Variants in EVPL observed in about 807,000 individuals in gnomAD.
The protein encoded by EVPL is envoplakin, also known as 210 kDa cornified envelope precursor protein.
In EVPL, 94 loss-of-function variants were observed where a neutral mutation model predicts 129.7. That is an observed-to-expected ratio of 0.72 (90% CI 0.61 to 0.86). The LOEUF (loss-of-function observed/expected upper bound fraction) is 0.86. Among genes scored for constraint, EVPL ranks in the 40% least tolerant of loss-of-function variants. EVPL has a pLI of 0.00. For synonymous variants in EVPL, 1,172 were observed against 1,191.1 expected (o/e 0.98, Z 0.33); for missense variants, 2,625 against 2,721.1 (o/e 0.96, Z 0.79).
Position 76,007,860 on chromosome 17 carries a change from C to G in EVPL, c.5345G>C (p.Gly1782Ala), listed in dbSNP as rs1297547762. The part of the protein sequence containing the change: ...PISEFALLVA[G>A]ETKPSSSLSI... ...GAGTGAGGAGCTTGGCTTGGTCTCC[C>G]CAGCTACAAGCAGCGCAAACTCGGA... Residue 1782 changes from glycine (G) to alanine (A), a missense_variant, in exon 22 of 22, where the codon GGG becomes GCG. Gly to Ala is a moderately conservative substitution (Grantham distance 60). Coordinates refer to ENST00000301607, the MANE Select transcript of EVPL (RefSeq NM_001988.4). The surrounding 1 kb of genome is among the most constrained non-coding windows in gnomAD (Gnocchi z 8.8). 2 of 1,613,160 alleles carry G rather than the reference C, an allele frequency of 1.2e-6. No homozygotes were observed. The highest frequency in any genetic ancestry group is 4.5e-5 in the East Asian group (2 of 44,850).
rs2066392196 is a variant in EVPL at position 76,013,152 on chromosome 17, TG to T, written c.2374-1064del. On this transcript the variant is annotated intron_variant, in intron 18 of 21. Transcript: ENST00000301607. The surrounding 1 kb of genome is among the most constrained non-coding windows in gnomAD (Gnocchi z 4.3). ...TACGGGATGCCCACTTTTATTCACCTGGGAACTTAATATACTGATGCTCTGA... is the reference window on the plus strand; with the variant it reads ...TACGGGATGCCCACTTTTATTCACCTGGAACTTAATATACTGATGCTCTGA... Among the ~76,000 whole-genome samples the T allele has an allele frequency of 6.6e-6, 1 of 152,198 alleles. No individual in the cohort carries two copies. The highest frequency in any genetic ancestry group is 1.5e-5 in the Non-Finnish European group (1 of 68,044).
In EVPL at chr17:76,018,537, C is replaced by A; in HGVS notation, c.1348G>T (p.Val450Leu). 1.2e-6 allele frequency: 2 copies of A among 1,612,674 alleles called. No individual in the cohort carries two copies. The highest frequency in any genetic ancestry group is 1.7e-6 in the Non-Finnish European group (2 of 1,179,840). ...TTGGTCTCCCCGCCAGGGCCCTGCA[C>A]GACCCAGGCGTGCGGGTCAGTGTTA... ...VDNTDPHAWVVQGPGGETKRA... is the reference protein window; with the variant it reads ...VDNTDPHAWVLQGPGGETKRA... Residue 450 changes from valine to leucine, a missense_variant, in exon 12 of 22, where the codon GTG (valine) becomes TTG (leucine). This residue lies in a region of EVPL where 1,024 missense variants were observed against 997.5 expected (regional missense o/e 1.03). Coordinates refer to ENST00000301607, the MANE Select transcript of EVPL (RefSeq NM_001988.4).
rs1474733590 is a variant in EVPL at position 76,012,030 on chromosome 17, G to C, written c.2433C>G (p.Ser811=). The C allele has an allele frequency of 1.9e-6, 3 of 1,612,904 alleles. 1 individual carries two copies. In the Admixed American group the frequency reaches 5.0e-5, roughly 27 times the overall value. ...CCTGGAGCGCTGCCTGCAGGGCCTGGGAGAGGTGGGATGCTGTGGCCCTGT... is the reference window on the plus strand; with the variant it reads ...CCTGGAGCGCTGCCTGCAGGGCCTGCGAGAGGTGGGATGCTGTGGCCCTGT... ...ERDRATASHL[S]QALQAALQDY... is the part of the protein sequence containing the mutation. The change falls in exon 19 of 22, where the codon TCC becomes TCG. Residue 811 remains serine, a synonymous_variant. Transcript: ENST00000301607.
rs1450359742 is a variant in EVPL, at chr17:76,015,519, G to A, written c.1820C>T (p.Pro607Leu). Residue 607 changes from proline to leucine, a missense_variant, in exon 15 of 22, where the codon CCC becomes CTC. Pro to Leu is a moderately conservative substitution (Grantham distance 98). Coordinates refer to ENST00000301607, the MANE Select transcript of EVPL (RefSeq NM_001988.4). ...GTTCTTCACGCTGTTGAGGGCTACG[G>A]GCAGCTGCAGGGCAGCGGGGCCCAC... The part of the protein sequence containing the change: ...RPVGPAALQL[P>L]VALNSVKNKF... 1 of 1,612,850 alleles carries A rather than the reference G, an allele frequency of 6.2e-7. No individual in the cohort carries two copies. The highest frequency in any genetic ancestry group is 8.5e-7 in the Non-Finnish European group (1 of 1,180,010).
chr17:76,014,056 C>G (rs565577068), intron 18 of EVPL, among the ~76,000 whole-genome samples: 7 of 152,324 alleles, frequency 4.6e-5, no homozygotes, highest in African/African-American at 1.7e-4. Context: ...GCACCCACAG[C>G]ACTCCAGCTT....
chr17:76,011,721 C>T, intron 20 of EVPL, 51 bp downstream of exon 20: 1 of 1,610,814 alleles, frequency 6.2e-7, no homozygotes, highest in South Asian at 1.1e-5. Context: ...TGCCTTGGAC[C>T]CTACAGAGCT....
rs1472856935 is a variant in EVPL, at chr17:76,009,142, G to A, written c.4063C>T (p.Gln1355Ter). ...CTCTCCAGCAGCAGGCGCTTGCTCT[G>A]CAGCTCGTACACCGCGTCCTCCGCG... ...RAAEDAVYELQSKRLLLERRK... is the reference protein window; with the variant it reads ...RAAEDAVYEL Residue 1355 changes from glutamine (Q) to a stop codon, truncating the protein, a stop_gained, in exon 22 of 22, where the codon CAG becomes TAG. Transcript: ENST00000301607. LOFTEE classifies it low-confidence loss of function (END_TRUNC). The surrounding 1 kb of genome is among the most constrained non-coding windows in gnomAD (Gnocchi z 5.9). 6.2e-7 allele frequency: 1 copy of A among 1,612,166 alleles called. No homozygotes were observed. The highest frequency in any genetic ancestry group is 1.3e-5 in the African/African-American group (1 of 74,888).
Position 76,022,265 on chromosome 17 carries a change from T to G in EVPL, c.607-38A>C, listed in dbSNP as rs1598244474. On this transcript the variant is annotated intron_variant, in intron 5 of 21. Transcript: ENST00000301607. This position sits in a 1 kb window ranked among gnomAD's most constrained non-coding sequence, Gnocchi z 5.6. ...AGGGGAGAAACAAGCCCGTGAGAGG[T>G]GGGGTGCAGGGAGACGGCCCCCTAA... The G allele has an allele frequency of 6.2e-7, 1 of 1,610,026 alleles. No homozygotes were observed. The highest frequency in any genetic ancestry group is 1.3e-5 in the African/African-American group (1 of 74,400).
At position 76,008,044 on chromosome 17, in the gene EVPL, A is replaced by G; in HGVS notation, c.5161T>C (p.Cys1721Arg). Residue 1721 changes from cysteine to arginine, a missense_variant, in exon 22 of 22, where the codon TGT (cysteine) becomes CGT (arginine). Physicochemically the swap from Cys to Arg is radical, Grantham distance 180 (BLOSUM62 -3). This residue lies in a region of EVPL where 1,453 missense variants were observed against 1,511.8 expected (regional missense o/e 0.96). Coordinates refer to ENST00000301607, the MANE Select transcript of EVPL (RefSeq NM_001988.4). This position sits in a 1 kb window ranked among gnomAD's most constrained non-coding sequence, Gnocchi z 7.4. ...GAGGTGGTGACCTCCTCCCAGTCACACTCGAGCTCCTGCAGCTGCAAGTAC... is the reference window on the plus strand; with the variant it reads ...GAGGTGGTGACCTCCTCCCAGTCACGCTCGAGCTCCTGCAGCTGCAAGTAC... ...GQYLQLQELE[C>R]DWEEVTTSGP... The G allele has an allele frequency of 6.2e-7, 1 of 1,613,926 alleles. No individual in the cohort carries two copies. Among genetic ancestry groups the G allele is most frequent in the Non-Finnish European group, 8.5e-7 (1 of 1,179,946 alleles).
rs1854562583 is a variant in EVPL, at chr17:76,023,580, C to T, written c.273G>A (p.Glu91=). The change falls in exon 3 of 22, where the codon GAG becomes GAA. Residue 91 remains glutamate, a synonymous_variant. Coordinates refer to ENST00000301607, the MANE Select transcript of EVPL (RefSeq NM_001988.4). ...CCAGGAAGAGGTCCTTGAGCAGCAC[C>T]TCAGCCTCCTTCAGGCTGCGGCCCG... ...QETGRSLKEA[E]VLLKDLFLDV... is the part of the protein sequence containing the mutation. 2 of 1,612,886 alleles carry T rather than the reference C, an allele frequency of 1.2e-6. No individual in the cohort carries two copies. Among genetic ancestry groups the T allele is most frequent in the Non-Finnish European group, 1.7e-6 (2 of 1,179,872 alleles).
intron 14 of EVPL, among the ~76,000 whole-genome samples, chr17:76,015,915 G>A (rs946357401): frequency 1.6e-4 from 25 of 152,196 alleles, no homozygotes; most frequent in African/African-American, 5.1e-4. Context: ...AGGCCAAGGC[G>A]GGTGGGTTGC....
rs1237134808 is a variant in EVPL at position 76,014,433 on chromosome 17, G to A, written c.2366C>T (p.Ala789Val). 1.2e-6 allele frequency: 2 copies of A among 1,608,932 alleles called. No homozygotes were observed. Among genetic ancestry groups the A allele is most frequent in the South Asian group, 1.1e-5 (1 of 90,880 alleles). Reference sequence around the variant, plus strand: ...TCCCTGCCCCAGCCTCACCTTCTGCGCCTGCAGCTTGTAGGCGATCTGGCT... The same window carrying A: ...TCCCTGCCCCAGCCTCACCTTCTGCACCTGCAGCTTGTAGGCGATCTGGCT... ...GPSQIAYKLQ[A>V]QKRLTQEIQS... Residue 789 changes from alanine to valine, a missense_variant, in exon 18 of 22, where the codon GCG becomes GTG. Ala to Val is a moderately conservative substitution (Grantham distance 64). Transcript: ENST00000301607.
chr17:76,019,006 G>A lies in EVPL; in HGVS notation c.1192C>T (p.Arg398Ter), dbSNP rs527523018. The change falls in exon 11 of 22, where the codon CGA becomes TGA. Residue 398 changes from arginine (R) to a stop codon, truncating the protein, a stop_gained. Transcript: ENST00000301607. LOFTEE classifies it high-confidence loss of function. ...TERATGDLQR[R>*]SRDVAPLPQR... ...GGCAGAGGGGCCACATCCCGGCTTC[G>A]CCGCTGCAGGTCCCCAGTGGCCCTC... 35 of 1,570,020 alleles carry A rather than the reference G, an allele frequency of 2.2e-5. No individual in the cohort carries two copies. Among genetic ancestry groups the A allele is most frequent in the Middle Eastern group, 2.1e-4 (1 of 4,792 alleles).
chr17:76,017,993 G>T, intron 13 of EVPL, 82 bp from the exon 14 acceptor site: 1 of 1,582,868 alleles, frequency 6.3e-7, no homozygotes, highest in Non-Finnish European at 8.6e-7. Context: ...CCCACAGAGG[G>T]TCCTGTCGGG....
chr17:76,011,791 T>C lies in EVPL; in HGVS notation c.2549A>G (p.Gln850Arg). 1 of 1,612,468 alleles carries C rather than the reference T, an allele frequency of 6.2e-7. No individual in the cohort carries two copies. Among genetic ancestry groups the C allele is most frequent in the Non-Finnish European group, 8.5e-7 (1 of 1,179,342 alleles). The change falls in exon 20 of 22, where the codon CAA becomes CGA. Residue 850 changes from glutamine to arginine, a missense_variant. This residue lies in a region of EVPL where 1,024 missense variants were observed against 997.5 expected (regional missense o/e 1.03). Coordinates refer to ENST00000301607, the MANE Select transcript of EVPL (RefSeq NM_001988.4). ...TCTCACCTGGGCTTGGATGCTCTCTTGCAGGGGAGCCACTCGGGGTCTCTT... is the reference window on the plus strand; with the variant it reads ...TCTCACCTGGGCTTGGATGCTCTCTCGCAGGGGAGCCACTCGGGGTCTCTT... ...APKRPRVAPL[Q>R]ESIQAQEKNL... is the part of the protein sequence containing the mutation.
chr17:76,023,410 T>C lies in EVPL; in HGVS notation c.362A>G (p.Gln121Arg). 6.2e-7 allele frequency: 1 copy of C among 1,613,816 alleles called. No homozygotes were observed. Among genetic ancestry groups the C allele is most frequent in the East Asian group, 2.2e-5 (1 of 44,850 alleles). The change falls in exon 4 of 22, where the codon CAG (glutamine) becomes CGG (arginine). Residue 121 changes from glutamine (Q) to arginine (R), a missense_variant. Around this residue, in one of 4 missense-constraint regions of EVPL, gnomAD observed 139 missense variants for 186.8 expected, o/e 0.74. Transcript: ENST00000301607. The stretch of plus-strand genomic sequence containing the variant: ...CTCCTGGGTCACCCGCTCGTGCAGC[T>C]GCTTGATGCTGTCAAGAAGGTGGCC... ...QAEEIEKDIK[Q>R]LHERVTQECA...
In EVPL at chr17:76,009,677, C is replaced by T; in HGVS notation, c.3528G>A (p.Leu1176=). 1 of 1,613,578 alleles carries T rather than the reference C, an allele frequency of 6.2e-7. No homozygotes were observed. The highest frequency in any genetic ancestry group is 8.5e-7 in the Non-Finnish European group (1 of 1,180,024). The change falls in exon 22 of 22, where the codon CTG becomes CTA. Residue 1176 remains leucine, a synonymous_variant. Coordinates refer to ENST00000301607, the MANE Select transcript of EVPL (RefSeq NM_001988.4). The surrounding 1 kb of genome is among the most constrained non-coding windows in gnomAD (Gnocchi z 5.9). ...NATLARELSD[L]HSKYSVVEKQ... is the part of the protein sequence containing the mutation. ...TCTCCACCACGCTGTACTTGCTGTG[C>T]AGGTCGCTCAGCTCCCTGGCCAGCG...
Position 76,008,447 on chromosome 17 carries a change from G to T in EVPL, c.4758C>A (p.Asp1586Glu), listed in dbSNP as rs570061775. 1 of 1,592,820 alleles carries T rather than the reference G, an allele frequency of 6.3e-7. No homozygotes were observed. The highest frequency in any genetic ancestry group is 8.5e-7 in the Non-Finnish European group (1 of 1,175,490). ...GCCGCCCACACTCCTGGTCGGCCTG[G>T]TCCCGGGCCCTCTGCAGCTCGGACT... ...REESELQRAR[D>E]QADQECGRLQ... Residue 1586 changes from aspartate to glutamate, a missense_variant, in exon 22 of 22, where the codon GAC becomes GAA. This residue lies in a region of EVPL where 1,453 missense variants were observed against 1,511.8 expected (regional missense o/e 0.96). Coordinates refer to ENST00000301607, the MANE Select transcript of EVPL (RefSeq NM_001988.4). The surrounding 1 kb of genome is among the most constrained non-coding windows in gnomAD (Gnocchi z 7.4).
Position 76,024,190 on chromosome 17 carries a change from C to CCCTGCCCTCCCTCCACCCCAT in EVPL, c.99-91_99-71dup. 1 of 1,406,804 alleles carries CCCTGCCCTCCCTCCACCCCAT rather than the reference C, an allele frequency of 7.1e-7. No homozygotes were observed. The highest frequency in any genetic ancestry group is 9.9e-7 in the Non-Finnish European group (1 of 1,011,442). 87.1% of individuals were successfully genotyped at this position (1,406,804 alleles called of 1,614,324 possible). A position where few individuals can be genotyped will look rare whatever the true frequency, so the allele number is the denominator to read the frequency against. On this transcript the variant is annotated intron_variant, in intron 1 of 21. Transcript: ENST00000301607. This position sits in a 1 kb window ranked among gnomAD's most constrained non-coding sequence, Gnocchi z 4.5. ...CTCTGTGCCCCATCCAGGTGGCATC[C>CCCTGCCCTCCCTCCACCCCAT]CCTGCCCTCCCTCCACCCCATCCTG...
Sources: gnomAD v4.1 joint callset for allele counts (sites outside exome capture counted in the v4.1 genomes callset) on GRCh38, gnomAD v4.1.1 for gene constraint, gnomAD v4.1.1 regional missense constraint, Gnocchi (gnomAD v3.1) non-coding constraint, MANE v1.5 for transcripts, NCBI Gene and HGNC (gene_info 2026-07-23, HGNC 2026-07-21) for gene names.